The following LMNB2 variants were observed in gnomAD, a reference collection of about 807,000 sequenced individuals.
LMNB2 encodes the protein lamin B2.
LMNB2 carries 17 observed loss-of-function variants against 69.3 expected under a neutral mutation model. That is an observed-to-expected ratio of 0.25 (90% CI 0.17 to 0.37). The LOEUF is 0.37. LMNB2 is among the 10% of genes least tolerant of loss of function. The pLI, the probability that LMNB2 is intolerant of heterozygous loss-of-function variation, is 1.00. For synonymous variants in LMNB2, 397 were observed against 389.3 expected (o/e 1.02, Z -0.23); for missense variants, 789 against 883.6 (o/e 0.89, Z 1.36).
At position 2,453,324 on chromosome 19, in the gene LMNB2, G is replaced by C. The variant is rs1972050577; in HGVS notation, c.264+3346C>G. 6.6e-6 allele frequency among the ~76,000 whole-genome samples: 1 copy of C among 152,050 alleles called. No homozygotes were observed. The highest frequency in any genetic ancestry group is 2.1e-4 in the South Asian group (1 of 4,830). On this transcript the variant is annotated intron_variant, in intron 1 of 11. Transcript: ENST00000325327. This position sits in a 1 kb window ranked among gnomAD's most constrained non-coding sequence, Gnocchi z 4.4. ...CACCCCAGGTCCCTCCTCGTTCAGA[G>C]CTCCCTCCCCTGCCCCCATCCTGCC...
chr19:2,433,905 G>A lies in LMNB2; in HGVS notation c.1403C>T (p.Ala468Val), dbSNP rs766297775. Residue 468 changes from alanine (A) to valine (V), a missense_variant, in exon 8 of 12, where the codon GCC (alanine) becomes GTC (valine). This residue lies in a region of LMNB2 where 609 missense variants were observed against 630.9 expected (regional missense o/e 0.97). Transcript: ENST00000325327. The stretch of plus-strand genomic sequence containing the variant: ...GATGCTGACGCTACCCGAGGCCGAG[G>A]CCTGCTGGGCCAGGTGGAAGCCACC... ...GSGGFHLAQQASASGSVSIEE... is the reference protein window; with the variant it reads ...GSGGFHLAQQVSASGSVSIEE... 6.2e-7 allele frequency: 1 copy of A among 1,612,192 alleles called. No homozygotes were observed. The highest frequency in any genetic ancestry group is 8.5e-7 in the Non-Finnish European group (1 of 1,179,414).
rs1971916761 is a variant in LMNB2 at position 2,443,181 on chromosome 19, G to T, written c.401+1223C>A. On this transcript the variant is annotated intron_variant, in intron 2 of 11. Coordinates refer to ENST00000325327, the MANE Select transcript of LMNB2 (RefSeq NM_032737.4). This position sits in a 1 kb window ranked among gnomAD's most constrained non-coding sequence, Gnocchi z 6.2. Reference sequence around the variant, plus strand: ...TGTCCTGGCTGGTGCCTGGCCCCAGGGTCCCCGGCTCATGGCCACCATCAG... The same window carrying T: ...TGTCCTGGCTGGTGCCTGGCCCCAGTGTCCCCGGCTCATGGCCACCATCAG... Among the ~76,000 whole-genome samples the T allele has an allele frequency of 6.6e-6, 1 of 152,204 alleles. No homozygotes were observed. The highest frequency in any genetic ancestry group is 6.5e-5 in the Admixed American group (1 of 15,278).
At chr19:2,445,102 C>G (rs1971940579) in intron 1 of LMNB2, among the ~76,000 whole-genome samples, 1 of 152,136 alleles carries the variant, frequency 6.6e-6, no homozygotes, top group South Asian at 2.1e-4. Flanking sequence ...GCTGATCACT[C>G]TCGGACAACT....
chr19:2,441,227 G>A (rs1971897094), intron 2 of LMNB2, among the ~76,000 whole-genome samples: 1 of 152,242 alleles, frequency 6.6e-6, no homozygotes, highest in Admixed American at 6.5e-5. Flanking sequence ...ATCCGTGCCG[G>A]GTACCCTGAA....
At chr19:2,455,536 A>G (rs931792840) in intron 1 of LMNB2, among the ~76,000 whole-genome samples, 4 of 151,806 alleles carry the variant, frequency 2.6e-5, no homozygotes, top group Admixed American at 2.0e-4. Context: ...CTAGTCTGTA[A>G]CCCCCATGGC....
At chr19:2,455,924 A>C (rs1228420246) in intron 1 of LMNB2, among the ~76,000 whole-genome samples, 1 of 132,202 alleles carries the variant, frequency 7.6e-6, no homozygotes, top group Admixed American at 7.3e-5. Flanking sequence ...TCACTCAGGG[A>C]CCCCTTGAAA....
chr19:2,452,867 T>C (rs948195931), intron 1 of LMNB2, among the ~76,000 whole-genome samples: 1 of 151,144 alleles, frequency 6.6e-6, no homozygotes, highest in Non-Finnish European at 1.5e-5. Context: ...GCCATTCTCA[T>C]GGGGGCCGTG....
In LMNB2 at chr19:2,453,554, G is replaced by A. The variant is rs1179743085; in HGVS notation, c.264+3116C>T. On this transcript the variant is annotated intron_variant, in intron 1 of 11. Transcript: ENST00000325327. This position sits in a 1 kb window ranked among gnomAD's most constrained non-coding sequence, Gnocchi z 4.4. ...CAGGCGGAACTCCCAGCTGTCCCCT[G>A]CCACATGCCCTGCAGACACGGCTGG... 1.3e-5 allele frequency among the ~76,000 whole-genome samples: 2 copies of A among 152,100 alleles called. No individual in the cohort carries two copies. Among genetic ancestry groups the A allele is most frequent in the African/African-American group, 4.8e-5 (2 of 41,402 alleles).
chr19:2,431,465 C>T, intron 11 of LMNB2, 83 bp downstream of exon 11: 2 of 1,580,814 alleles, frequency 1.3e-6, no homozygotes, highest in Non-Finnish European at 1.7e-6. Context: ...GGGATGCGGC[C>T]AGCACGCATG....
intron 1 of LMNB2, among the ~76,000 whole-genome samples, chr19:2,455,615 G>A (rs1289114314): frequency 1.3e-5 from 2 of 152,086 alleles, no homozygotes; most frequent in Non-Finnish European, 2.9e-5. Flanking sequence ...CCTCACTCAG[G>A]ACACGGAAGA....
intron 8 of LMNB2, 91 bp downstream of exon 8, chr19:2,433,735 C>G (rs537279141): frequency 6.8e-7 from 1 of 1,481,254 alleles, no homozygotes. Flanking sequence ...TCCCCTGCCT[C>G]GCATTGGCCG....
rs191626422 is a variant in LMNB2 at position 2,447,206 on chromosome 19, G to A, written c.265-2666C>T. Among the ~76,000 whole-genome samples the A allele has an allele frequency of 3.0e-4, 45 of 152,034 alleles. No individual in the cohort carries two copies. Among genetic ancestry groups the A allele is most frequent in the Admixed American group, 2.8e-3 (42 of 15,256 alleles). On this transcript the variant is annotated intron_variant, in intron 1 of 11. Transcript: ENST00000325327. The surrounding 1 kb of genome is among the most constrained non-coding windows in gnomAD (Gnocchi z 4.4). ...ATAAATAAAAAAATAAAAGCAATGC[G>A]GTCCCTCCACCATCCACACACAGGA...
intron 1 of LMNB2, among the ~76,000 whole-genome samples, chr19:2,448,256 C>G (rs1971981297): frequency 1.3e-5 from 2 of 152,152 alleles, no homozygotes. Context: ...ATGGTGGTGT[C>G]TGCCTCTCCC....
chr19:2,435,013 G>C lies in LMNB2; in HGVS notation c.843C>G (p.Thr281=), dbSNP rs1043055908. Residue 281 remains threonine (T), a synonymous_variant, in exon 5 of 12, where the codon ACC becomes ACG. Coordinates refer to ENST00000325327, the MANE Select transcript of LMNB2 (RefSeq NM_032737.4). Reference sequence around the variant, plus strand: ...CTGCCGGCCACACCTTGGCCTGGTAGGTCTGCTCCAGCTCCAGCTTGTAGA... The same window carrying C: ...CTGCCGGCCACACCTTGGCCTGGTACGTCTGCTCCAGCTCCAGCTTGTAGA... ...VRLYKLELEQ[T]YQAKLDSAKL... is the part of the protein sequence containing the mutation. 1 of 1,605,866 alleles carries C rather than the reference G, an allele frequency of 6.2e-7. No homozygotes were observed. The highest frequency in any genetic ancestry group is 1.3e-5 in the African/African-American group (1 of 74,898).
rs1372193483 is a variant in LMNB2, at chr19:2,447,284, C to G, written c.265-2744G>C. Among the ~76,000 whole-genome samples the G allele has an allele frequency of 6.6e-6, 1 of 152,134 alleles. No individual in the cohort carries two copies. The highest frequency in any genetic ancestry group is 1.5e-5 in the Non-Finnish European group (1 of 68,038). ...GGTTCTGACACCACAGTGTGGATGC[C>G]CCTTGAGGATGTCACACTCATGAGA... On this transcript the variant is annotated intron_variant, in intron 1 of 11. Transcript: ENST00000325327. This position sits in a 1 kb window ranked among gnomAD's most constrained non-coding sequence, Gnocchi z 4.4.
rs367739258 is a variant in LMNB2 at position 2,431,694 on chromosome 19, T to G, written c.1711-36A>C. ...CAGGACACGGCGGCATGTCCCGGGA[T>G]CGGGCCCAGAGCTGCTGTGGCGGCC... is the stretch of plus-strand genomic sequence containing the variant. On this transcript the variant is annotated intron_variant, in intron 10 of 11. Transcript: ENST00000325327. The G allele has an allele frequency of 4.3e-5, 70 of 1,613,818 alleles. No individual in the cohort carries two copies. In the Middle Eastern group the frequency reaches 4.9e-4, roughly 11 times the overall value.
At chr19:2,448,622 C>A (rs529362754) in intron 1 of LMNB2, among the ~76,000 whole-genome samples, 5 of 152,138 alleles carry the variant, frequency 3.3e-5, no homozygotes, top group African/African-American at 1.2e-4. Flanking sequence ...CTGAGGTGGG[C>A]GGATTACGAG....
In LMNB2 at chr19:2,429,410, C is replaced by T. The variant is rs1451467945; in HGVS notation, c.*1501G>A. On this transcript the variant is annotated 3_prime_UTR_variant, in exon 12 of 12. Coordinates refer to ENST00000325327, the MANE Select transcript of LMNB2 (RefSeq NM_032737.4). ...CTCTATCTACATGGGACCGGGACTT[C>T]TGAGAGCAAGGACAGCGAGCAGGGG... 1.3e-5 allele frequency: 2 copies of T among 152,276 alleles called. No individual in the cohort carries two copies. Among genetic ancestry groups the T allele is most frequent in the Non-Finnish European group, 2.9e-5 (2 of 68,050 alleles). The allele number at this position is 152,276 out of a possible 1,614,324, so 9.4% of individuals were successfully genotyped here.
chr19:2,449,553 G>A (rs939199010), intron 1 of LMNB2, among the ~76,000 whole-genome samples: 12 of 152,072 alleles, frequency 7.9e-5, no homozygotes, highest in African/African-American at 2.7e-4. Flanking sequence ...GCTGAGGCGG[G>A]CGAATTACTT....
Sources: gnomAD v4.1 joint callset for allele counts (sites outside exome capture counted in the v4.1 genomes callset) on GRCh38, gnomAD v4.1.1 for gene constraint, gnomAD v4.1.1 regional missense constraint, Gnocchi (gnomAD v3.1) non-coding constraint, MANE v1.5 for transcripts, NCBI Gene and HGNC (gene_info 2026-07-23, HGNC 2026-07-21) for gene names.